Variants in MGAT4D observed in about 807,000 individuals in gnomAD.
The protein encoded by MGAT4D is alpha-1,3-mannosyl-glycoprotein 4-beta-N-acetylglucosaminyltransferase-like protein MGAT4D.
A neutral mutation model predicts 15.9 loss-of-function variants in MGAT4D; 34 were observed. The ratio of observed to expected loss-of-function variants is 2.14; its 90% CI spans 1.62 to 2.84. The LOEUF (loss-of-function observed/expected upper bound fraction) is 2.84, where lower values mean the gene tolerates loss of function less well. Among genes scored for constraint, MGAT4D ranks in the 30% most tolerant of loss-of-function variants. The pLI is 0.00. For synonymous variants in MGAT4D, 112 were observed against 48.2 expected (o/e 2.33, Z -5.49); for missense variants, 327 against 140.2 (o/e 2.33, Z -6.73).
intron 5 of MGAT4D, among the ~76,000 whole-genome samples, chr4:140,470,621 C>T (rs1233099742): frequency 2.6e-5 from 4 of 152,180 alleles, no homozygotes; most frequent in Non-Finnish European, 5.9e-5. Context: ...CCAAAATAGA[C>T]TTACATGTTC....
At chr4:140,497,200 A>T (rs1179311570) in intron 1 of MGAT4D, among the ~76,000 whole-genome samples, 11 of 152,162 alleles carry the variant, frequency 7.2e-5, no homozygotes, top group African/African-American at 2.7e-4. Flanking sequence ...TACATGTGTA[A>T]ATAAACGAAA....
At chr4:140,444,765 T>G (rs1729977996) in intron 10 of MGAT4D, among the ~76,000 whole-genome samples, 1 of 152,158 alleles carries the variant, frequency 6.6e-6, no homozygotes, top group Non-Finnish European at 1.5e-5. Context: ...ATAGTTCTGT[T>G]TTTAGTTATT....
At chr4:140,448,772 A>C (rs1419715625) in intron 10 of MGAT4D, among the ~76,000 whole-genome samples, 1 of 152,048 alleles carries the variant, frequency 6.6e-6, no homozygotes, top group African/African-American at 2.4e-5. Context: ...GACAGAAGAC[A>C]CTCTGGTCAT....
chr4:140,480,795 G>A (rs1301512153), intron 2 of MGAT4D, among the ~76,000 whole-genome samples: 1 of 148,964 alleles, frequency 6.7e-6, no homozygotes, highest in Non-Finnish European at 1.5e-5. Context: ...ACGCAGTGGG[G>A]CATAGTGGCA....
At chr4:140,471,227 T>TTTCC (rs200186471) in intron 5 of MGAT4D, among the ~76,000 whole-genome samples, 17,146 of 133,464 alleles carry the variant, frequency 0.13, 1,178 homozygotes, top group Middle Eastern at 0.16. Context: ...CTCCTTTTTG[T>TTTCC]TTCCTTCCTT....
intron 5 of MGAT4D, among the ~76,000 whole-genome samples, chr4:140,467,373 A>G (rs1731608253): frequency 6.6e-6 from 1 of 152,142 alleles, no homozygotes; most frequent in East Asian, 1.9e-4. Flanking sequence ...AATTTAGTAG[A>G]GGTAAAGGGA....
Position 140,459,641 on chromosome 4 carries a change from C to A in MGAT4D, c.763-15G>T, listed in dbSNP as rs566648318. 2.6e-4 allele frequency: 110 copies of A among 430,058 alleles called. 1 individual carries two copies. The highest frequency in any genetic ancestry group is 3.8e-4 in the Non-Finnish European group (92 of 241,652). 26.6% of individuals were successfully genotyped at this position (430,058 alleles called of 1,614,324 possible). ...TCATCTTCTAGCTGAAAAAAAAAACCCAAAAAGACATTAATATCTTTGACG... is the reference window on the plus strand; with the variant it reads ...TCATCTTCTAGCTGAAAAAAAAAACACAAAAAGACATTAATATCTTTGACG... On this transcript the variant is annotated splice_polypyrimidine_tract_variant and intron_variant, in intron 7 of 10. Coordinates refer to ENST00000511113, the MANE Select transcript of MGAT4D (RefSeq NM_001277353.2).
intron 3 of MGAT4D, 113 bp downstream of exon 3, chr4:140,479,377 C>T (rs17006025): frequency 0.025 from 9,247 of 363,550 alleles, 793 homozygotes; most frequent in East Asian, 0.23. Context: ...GCCAGATAGG[C>T]TGTAGTCTGC....
At chr4:140,471,849 A>G in intron 4 of MGAT4D, 28 bp from the exon 5 acceptor site, 1 of 442,692 alleles carries the variant, frequency 2.3e-6, no homozygotes, top group Non-Finnish European at 4.1e-6. Context: ...ATTTTACTGA[A>G]ACTAAGCATG....
intron 1 of MGAT4D, among the ~76,000 whole-genome samples, chr4:140,483,848 T>TAA (rs146390468): frequency 6.6e-6 from 1 of 152,042 alleles, no homozygotes; most frequent in Admixed American, 6.5e-5. Flanking sequence ...TCAACTCGCA[T>TAA]AAAAAATCAA....
chr4:140,453,286 C>CA (rs1461630812), intron 9 of MGAT4D, among the ~76,000 whole-genome samples: 3 of 151,772 alleles, frequency 2.0e-5, no homozygotes, highest in East Asian at 1.9e-4. Flanking sequence ...GAATATCTAC[C>CA]AAAAAATTCC....
intron 1 of MGAT4D, among the ~76,000 whole-genome samples, chr4:140,485,910 A>G (rs1381748718): frequency 6.7e-6 from 1 of 148,150 alleles, no homozygotes; most frequent in African/African-American, 2.5e-5. Context: ...TTTTTTCTGA[A>G]GAAGAGCACA....
At chr4:140,467,783 A>G (rs562296184) in intron 5 of MGAT4D, among the ~76,000 whole-genome samples, 8 of 152,192 alleles carry the variant, frequency 5.3e-5, no homozygotes, top group Non-Finnish European at 8.8e-5. Flanking sequence ...GTCATACAAG[A>G]GTGGAAATCT....
At chr4:140,450,053 C>A in intron 10 of MGAT4D, 1 of 322,022 alleles carries the variant, frequency 3.1e-6, no homozygotes, top group South Asian at 9.8e-5. Context: ...CTTATTATGT[C>A]ATTATTTCCA....
intron 4 of MGAT4D, among the ~76,000 whole-genome samples, chr4:140,473,685 T>G (rs756619030): frequency 3.3e-5 from 5 of 152,086 alleles, no homozygotes; most frequent in Non-Finnish European, 1.5e-5. Context: ...TTTTTACTGG[T>G]TTTTGTTTGC....
At chr4:140,478,237 C>A (rs1259893063) in intron 3 of MGAT4D, among the ~76,000 whole-genome samples, 1 of 152,142 alleles carries the variant, frequency 6.6e-6, no homozygotes, top group African/African-American at 2.4e-5. Context: ...ACCCTCCAAC[C>A]CCCTACACAA....
At chr4:140,468,060 A>C (rs1560780116) in intron 5 of MGAT4D, among the ~76,000 whole-genome samples, 1 of 98,794 alleles carries the variant, frequency 1.0e-5, no homozygotes, top group African/African-American at 3.8e-5. Context: ...TCACTATTAA[A>C]TTATTCTATT....
rs879227056 is a variant in MGAT4D, at chr4:140,475,004, C to T, written c.392-58G>A. 1.4e-5 allele frequency: 7 copies of T among 509,402 alleles called. No homozygotes were observed. The South Asian group carries it at 1.9e-4, about 14-fold the overall frequency. 31.6% of individuals were successfully genotyped at this position (509,402 alleles called of 1,614,324 possible). ...ATACCACAGAGAAAAACATAGTTTA[C>T]CATTCATTCTATGCTTATTCCTATG... is the stretch of plus-strand genomic sequence containing the variant. On this transcript the variant is annotated intron_variant, in intron 3 of 10. Coordinates refer to ENST00000511113, the MANE Select transcript of MGAT4D (RefSeq NM_001277353.2).
At chr4:140,450,650 A>C (rs1365199496) in intron 10 of MGAT4D, among the ~76,000 whole-genome samples, 6 of 152,226 alleles carry the variant, frequency 3.9e-5, no homozygotes, top group Admixed American at 6.5e-5. Flanking sequence ...GAAGATGTAT[A>C]CGTCTATTTC....
Sources: allele counts gnomAD v4.1 joint callset (sites outside exome capture counted in the v4.1 genomes callset), GRCh38; gene constraint gnomAD v4.1.1; transcripts MANE v1.5; gene names NCBI Gene and HGNC (gene_info 2026-07-23, HGNC 2026-07-21).